ABI2: variants seen among roughly 807,000 people sequenced by gnomAD.
The protein encoded by ABI2 is abelson interactor 2.
ABI2 carries 25 observed loss-of-function variants against 59.2 expected under a neutral mutation model. The ratio of observed to expected loss-of-function variants is 0.42; its 90% CI spans 0.31 to 0.59. The LOEUF is 0.59. Among genes scored for constraint, ABI2 ranks in the 20% least tolerant of loss-of-function variants. The pLI is 0.14. For missense variants in ABI2, 545 were observed against 681.8 expected, an observed-to-expected ratio of 0.80 and a Z score of 2.23; for synonymous variants, 213 against 235.5, an observed-to-expected ratio of 0.90 and a Z score of 0.87.
chr2:203,371,360 C>G (rs1217042292), intron 2 of ABI2, among the ~76,000 whole-genome samples: 1 of 152,208 alleles, frequency 6.6e-6, no homozygotes, highest in Non-Finnish European at 1.5e-5. Flanking sequence ...TAATAACCCA[C>G]TCTTTCTAAA....
chr2:203,423,103 G>T (rs1190623932), intron 11 of ABI2, among the ~76,000 whole-genome samples: 2 of 152,108 alleles, frequency 1.3e-5, no homozygotes, highest in Non-Finnish European at 2.9e-5. Context: ...AATATTTGGT[G>T]GTCAGTCTTT....
At chr2:203,392,318 CAA>C (rs373128083) in intron 5 of ABI2, among the ~76,000 whole-genome samples, 13,897 of 105,008 alleles carry the variant, frequency 0.13, 880 homozygotes, top group African/African-American at 0.17. Flanking sequence ...CCACCACCAA[CAA>C]CAACAACAAC....
intron 1 of ABI2, among the ~76,000 whole-genome samples, chr2:203,339,017 A>C (rs1461124075): frequency 8.3e-6 from 1 of 120,404 alleles, no homozygotes; most frequent in African/African-American, 3.6e-5. Flanking sequence ...TAAAGGATTC[A>C]TACAACTTAA....
chr2:203,371,763 A>G (rs2095227218), intron 2 of ABI2, among the ~76,000 whole-genome samples: 1 of 152,176 alleles, frequency 6.6e-6, no homozygotes, highest in African/African-American at 2.4e-5. Flanking sequence ...TTAAGTCAGT[A>G]TAGTGTAACA....
chr2:203,348,410 A>G (rs1481653497), intron 1 of ABI2, among the ~76,000 whole-genome samples: 1 of 152,210 alleles, frequency 6.6e-6, no homozygotes, highest in Non-Finnish European at 1.5e-5. Flanking sequence ...TTAGCTTAAG[A>G]TGCAATGGTG....
rs1272648820 is a variant in ABI2 at position 203,426,797 on chromosome 2, A to C, written c.1454-380A>C. On this transcript the variant is annotated intron_variant, in intron 11 of 11. Coordinates refer to ENST00000261018, the MANE Select transcript of ABI2 (RefSeq NM_001375670.1). The stretch of plus-strand genomic sequence containing the variant: ...TAAAGAAAAGCTTTAAAAAAAAAAA[A>C]AAAAAAACCACAATATGGTATCTCA... Among the ~76,000 whole-genome samples the C allele has an allele frequency of 4.0e-5, 6 of 151,802 alleles. No homozygotes were observed. In the East Asian group the frequency reaches 5.8e-4, roughly 15 times the overall value.
At chr2:203,336,497 G>T (rs1208824608) in intron 1 of ABI2, among the ~76,000 whole-genome samples, 3 of 152,142 alleles carry the variant, frequency 2.0e-5, no homozygotes, top group African/African-American at 7.2e-5. Context: ...TTCATCTGCC[G>T]AGGAGGCTGT....
At chr2:203,418,352 G>A (rs2098006054) in intron 11 of ABI2, among the ~76,000 whole-genome samples, 1 of 152,232 alleles carries the variant, frequency 6.6e-6, no homozygotes, top group Non-Finnish European at 1.5e-5. Context: ...GGGCCCTCTG[G>A]TTCAGGGACT....
intron 1 of ABI2, among the ~76,000 whole-genome samples, chr2:203,349,033 A>T (rs370704799): frequency 1.3e-5 from 2 of 151,830 alleles, no homozygotes; most frequent in Non-Finnish European, 2.9e-5. Context: ...CGTGGGTTCA[A>T]GTGATTCTCC....
intron 4 of ABI2, among the ~76,000 whole-genome samples, chr2:203,387,988 A>G (rs1016653585): frequency 2.6e-5 from 4 of 152,082 alleles, no homozygotes; most frequent in Non-Finnish European, 5.9e-5. Context: ...TGTCTAGTAA[A>G]TATATTTTTA....
At chr2:203,399,985 G>A (rs1057068365) in intron 8 of ABI2, among the ~76,000 whole-genome samples, 2 of 148,636 alleles carry the variant, frequency 1.3e-5, no homozygotes, top group African/African-American at 5.0e-5. Context: ...GAAGTTTTTA[G>A]TTTCAGGTTT....
In ABI2 at chr2:203,328,635, C is replaced by A; in HGVS notation, c.117+4C>A. ...CTGCGAGAACAACTACATACAGGTG[C>A]GAAGCATCCCCAGCTGGGCCGCGTC... On this transcript the variant is annotated splice_donor_region_variant and intron_variant, in intron 1 of 11. Transcript: ENST00000261018. The A allele has an allele frequency of 1.3e-6, 2 of 1,564,224 alleles. No individual in the cohort carries two copies. Among genetic ancestry groups the A allele is most frequent in the Non-Finnish European group, 1.7e-6 (2 of 1,155,900 alleles).
At chr2:203,403,742 G>GTTTTTTTTTTTTT (rs56123341) in intron 9 of ABI2, among the ~76,000 whole-genome samples, 2 of 95,296 alleles carry the variant, frequency 2.1e-5, no homozygotes, top group African/African-American at 4.1e-5. Flanking sequence ...CTTTCTTTCT[G>GTTTTTTTTTTTTT]TTTTTTTTTT....
At chr2:203,349,839 CAT>C (rs1291328406) in intron 1 of ABI2, among the ~76,000 whole-genome samples, 1 of 151,910 alleles carries the variant, frequency 6.6e-6, no homozygotes, top group Non-Finnish European at 1.5e-5. Flanking sequence ...AATTTCATAA[CAT>C]ATAACGTTAT....
Position 203,338,544 on chromosome 2 carries a change from G to T in ABI2, c.117+9913G>T, listed in dbSNP as rs1420538843. Reference sequence around the variant, plus strand: ...GACATGCTGGCTCCACTTCTGCCATGATTACACCTCACCAGAAGTACGTGC... The same window carrying T: ...GACATGCTGGCTCCACTTCTGCCATTATTACACCTCACCAGAAGTACGTGC... On this transcript the variant is annotated intron_variant, in intron 1 of 11. Coordinates refer to ENST00000261018, the MANE Select transcript of ABI2 (RefSeq NM_001375670.1). Among the ~76,000 whole-genome samples the T allele has an allele frequency of 3.9e-5, 6 of 152,116 alleles. No individual in the cohort carries two copies. In the East Asian group the frequency reaches 1.2e-3, roughly 29 times the overall value.
chr2:203,334,688 A>G (rs1308057540), intron 1 of ABI2, among the ~76,000 whole-genome samples: 1 of 149,100 alleles, frequency 6.7e-6, no homozygotes, highest in South Asian at 2.1e-4. Context: ...TTTTTGAGAC[A>G]GAGTCTCTGT....
rs943274551 is a variant in ABI2 at position 203,419,322 on chromosome 2, T to C, written c.1453+2241T>C. Among the ~76,000 whole-genome samples, 9 of 151,244 alleles carry C rather than the reference T, an allele frequency of 6.0e-5. No individual in the cohort carries two copies. In the South Asian group the frequency reaches 1.0e-3, roughly 18 times the overall value. ...AGACGTGGTTTCACGGTGGTCTTGA[T>C]CTCCTGACCTCATGATCCGCCCGCC... On this transcript the variant is annotated intron_variant, in intron 11 of 11. Coordinates refer to ENST00000261018, the MANE Select transcript of ABI2 (RefSeq NM_001375670.1).
chr2:203,331,903 G>T (rs1347670411), intron 1 of ABI2, among the ~76,000 whole-genome samples: 1 of 150,778 alleles, frequency 6.6e-6, no homozygotes, highest in Non-Finnish European at 1.5e-5. Context: ...TTCGTCCCCC[G>T]GGTTCAAGTG....
chr2:203,349,586 G>A (rs2086274211), intron 1 of ABI2, among the ~76,000 whole-genome samples: 1 of 151,884 alleles, frequency 6.6e-6, no homozygotes, highest in South Asian at 2.1e-4. Flanking sequence ...TGTATTTTTA[G>A]TAAAGACAGG....
Sources: allele counts gnomAD v4.1 joint callset (sites outside exome capture counted in the v4.1 genomes callset), GRCh38; gene constraint gnomAD v4.1.1; transcripts MANE v1.5; gene names NCBI Gene and HGNC (gene_info 2026-07-23, HGNC 2026-07-21).